The following CELF2 variants were observed in gnomAD, a reference collection of about 807,000 sequenced individuals.
CELF2 encodes CUGBP Elav-like family member 2.
Under a neutral mutation model 62.6 loss-of-function variants are expected in CELF2, and 8 were observed. The observed-to-expected ratio is 0.13, with a 90% confidence interval of 0.07 to 0.23. The LOEUF is 0.23. Ranked by LOEUF, CELF2 falls within the 10% of genes least tolerant of loss-of-function variation. CELF2 has a pLI of 1.00. For missense variants in CELF2, 333 were observed against 671.0 expected, an observed-to-expected ratio of 0.50 and a Z score of 5.56; for synonymous variants, 258 against 250.0, an observed-to-expected ratio of 1.03 and a Z score of -0.30.
At position 11,246,989 on chromosome 10, in the gene CELF2, G is replaced by A. The variant is rs2075790140; in HGVS notation, c.355-2164G>A. 6.6e-6 allele frequency among the ~76,000 whole-genome samples: 1 copy of A among 152,132 alleles called. No individual in the cohort carries two copies. The highest frequency in any genetic ancestry group is 2.1e-4 in the South Asian group (1 of 4,826). On this transcript the variant is annotated intron_variant, in intron 3 of 12. Coordinates refer to ENST00000633077, the MANE Select transcript of CELF2 (RefSeq NM_001326342.2). The surrounding 1 kb of genome is among the most constrained non-coding windows in gnomAD (Gnocchi z 4.6). ...CGGGCAGTCATCCCACAGTCACCTG[G>A]TTGTACAGACCTGGAGTTCCCCTTC... is the stretch of plus-strand genomic sequence containing the variant.
chr10:10,844,438 G>GA (rs919610120), intron 1 of CELF2, among the ~76,000 whole-genome samples: 21 of 151,894 alleles, frequency 1.4e-4, no homozygotes, highest in African/African-American at 3.6e-4. Context: ...AATCTTAAGG[G>GA]AAAAAAATGA....
chr10:10,871,606 G>A (rs1245890135), intron 1 of CELF2, among the ~76,000 whole-genome samples: 1 of 152,090 alleles, frequency 6.6e-6, no homozygotes, highest in Admixed American at 6.5e-5. Context: ...ATGGAAAAGA[G>A]GGAAGGAGGA....
At chr10:10,611,985 T>C in the CELF2 span, among the ~76,000 whole-genome samples, 12 of 152,318 alleles carry the variant, frequency 7.9e-5, no homozygotes, top group East Asian at 2.1e-3. Context: ...CAGCCTAATA[T>C]GTAGTTAAAT....
intron 2 of CELF2, among the ~76,000 whole-genome samples, chr10:11,210,085 A>T (rs1437300297): frequency 2.0e-5 from 3 of 152,224 alleles, no homozygotes; most frequent in African/African-American, 7.2e-5. Context: ...CTTAGAATTC[A>T]AAGGCAGCGT....
chr10:10,809,584 G>A lies in CELF2; in HGVS notation c.53+10767G>A, dbSNP rs935307864. Among the ~76,000 whole-genome samples, 3 of 152,096 alleles carry A rather than the reference G, an allele frequency of 2.0e-5. No individual in the cohort carries two copies. The East Asian group carries it at 5.8e-4, about 29-fold the overall frequency. On this transcript the variant is annotated intron_variant, in intron 1 of 13. Transcript: ENST00000636488. The stretch of plus-strand genomic sequence containing the variant: ...TATACCATACGACAATAAGTCAAAA[G>A]TATATAAACTTAAGCTAACGTTTAA...
intron 2 of CELF2, among the ~76,000 whole-genome samples, chr10:10,959,948 T>G (rs897057649): frequency 6.6e-6 from 1 of 152,262 alleles, no homozygotes; most frequent in Non-Finnish European, 1.5e-5. Context: ...GAAAAAAGAT[T>G]TGCATCAACA....
At chr10:10,910,649 G>A (rs886570115) in intron 1 of CELF2, among the ~76,000 whole-genome samples, 15 of 132,010 alleles carry the variant, frequency 1.1e-4, no homozygotes, top group Middle Eastern at 0.012. Flanking sequence ...GTAGTGAGCC[G>A]AGATCGTGCC....
intron 1 of CELF2, among the ~76,000 whole-genome samples, chr10:11,095,163 G>T (rs1007121750): frequency 6.6e-6 from 1 of 152,128 alleles, no homozygotes; most frequent in Non-Finnish European, 1.5e-5. Context: ...GATACTTTGC[G>T]TAGGGGGTTT....
At chr10:10,752,787 G>A in the CELF2 span, among the ~76,000 whole-genome samples, 1 of 120,692 alleles carries the variant, frequency 8.3e-6, no homozygotes, top group Non-Finnish European at 1.6e-5. Flanking sequence ...ACTCATGGGA[G>A]CAAAATACCG....
chr10:11,240,135 GGTAA>G (rs2073279269), intron 3 of CELF2, among the ~76,000 whole-genome samples: 1 of 152,196 alleles, frequency 6.6e-6, no homozygotes, highest in African/African-American at 2.4e-5. Context: ...TTGGAGGTTA[GGTAA>G]ATGCCATATA....
chr10:10,526,768 C>A, the CELF2 span, among the ~76,000 whole-genome samples: 2 of 152,210 alleles, frequency 1.3e-5, no homozygotes, highest in Non-Finnish European at 2.9e-5. Flanking sequence ...ATAGAGAAGA[C>A]AGCATTGATT....
At chr10:10,848,592 G>GC (rs1350473713) in intron 1 of CELF2, among the ~76,000 whole-genome samples, 1 of 152,142 alleles carries the variant, frequency 6.6e-6, no homozygotes, top group Non-Finnish European at 1.5e-5. Flanking sequence ...TCTGTTTCCT[G>GC]CCCCTGGAAG....
intron 1 of CELF2, among the ~76,000 whole-genome samples, chr10:11,144,178 G>T (rs1440813545): frequency 6.6e-6 from 1 of 152,054 alleles, no homozygotes; most frequent in African/African-American, 2.4e-5. Context: ...TTGCAGCTCT[G>T]CATTTACAAC....
the CELF2 span, among the ~76,000 whole-genome samples, chr10:10,488,641 A>T: frequency 0.019 from 2,935 of 152,242 alleles, 81 homozygotes; most frequent in African/African-American, 0.067. Context: ...GGCAGGTATT[A>T]TTATTACCAT....
the CELF2 span, among the ~76,000 whole-genome samples, chr10:10,744,131 A>G: frequency 6.6e-6 from 1 of 152,220 alleles, no homozygotes; most frequent in Non-Finnish European, 1.5e-5. Context: ...AAGAAGCTCT[A>G]AAATCTCAAG....
the CELF2 span, among the ~76,000 whole-genome samples, chr10:10,765,567 T>A: frequency 6.6e-6 from 1 of 152,280 alleles, no homozygotes; most frequent in Admixed American, 6.5e-5. Flanking sequence ...AGAGGAAATA[T>A]AAAACCAATC....
In CELF2 at chr10:11,327,003, G is replaced by A. The variant is rs73583256; in HGVS notation, c.1438+1024G>A. 3.6e-3 allele frequency among the ~76,000 whole-genome samples: 554 copies of A among 152,232 alleles called. 4 individuals are homozygous for A. The highest frequency in any genetic ancestry group is 0.013 in the African/African-American group (533 of 41,514). The stretch of plus-strand genomic sequence containing the variant: ...TTGGCTTCTAAAACTCTAATCCTAA[G>A]GTCTAATTTGTGCTATCACCCAGGA... On this transcript the variant is annotated intron_variant, in intron 12 of 12. Coordinates refer to ENST00000633077, the MANE Select transcript of CELF2 (RefSeq NM_001326342.2).
At chr10:10,640,911 T>A in the CELF2 span, among the ~76,000 whole-genome samples, 1 of 152,174 alleles carries the variant, frequency 6.6e-6, no homozygotes, top group Non-Finnish European at 1.5e-5. Flanking sequence ...TCCCTCCACA[T>A]TGCCTGTCAC....
the CELF2 span, among the ~76,000 whole-genome samples, chr10:10,575,896 T>C: frequency 1.3e-5 from 2 of 152,220 alleles, no homozygotes; most frequent in Non-Finnish European, 2.9e-5. Context: ...AGAGGAATCC[T>C]TGACCCCTGG....
Sources: gnomAD v4.1 joint callset for allele counts (sites outside exome capture counted in the v4.1 genomes callset) on GRCh38, gnomAD v4.1.1 for gene constraint, Gnocchi (gnomAD v3.1) non-coding constraint, MANE v1.5 for transcripts, NCBI Gene and HGNC (gene_info 2026-07-23, HGNC 2026-07-21) for gene names.